Variants in CYP2C18 observed in about 807,000 individuals in gnomAD.
CYP2C18 encodes the protein cytochrome P450 2C18.
CYP2C18 carries 38 observed loss-of-function variants against 41.3 expected under a neutral mutation model. The ratio of observed to expected loss-of-function variants is 0.92; its 90% CI spans 0.71 to 1.21. CYP2C18 has a LOEUF of 1.21. Ranked by LOEUF, CYP2C18 falls within the 50% of genes most tolerant of loss-of-function variation. The pLI is 0.00. For synonymous variants in CYP2C18, 236 were observed against 210.0 expected (o/e 1.12, Z -1.07); for missense variants, 635 against 591.4 (o/e 1.07, Z -0.77).
intron 6 of CYP2C18, 138 bp from the exon 7 acceptor site, chr10:94,724,208 T>C (rs912297228): frequency 8.6e-6 from 7 of 813,638 alleles, no homozygotes; most frequent in Non-Finnish European, 1.4e-5. Context: ...ATTTCTTCCC[T>C]AAGTCTAGGT....
intron 5 of CYP2C18, among the ~76,000 whole-genome samples, chr10:94,712,008 A>ATTTTTTTTTTTT (rs35672164): frequency 0.01 from 993 of 97,806 alleles, 67 homozygotes; most frequent in African/African-American, 0.032. Context: ...TGCCCAACTA[A>ATTTTTTTTTTTT]TTTTTTTTTT....
At chr10:94,710,895 G>T (rs1449495763) in intron 5 of CYP2C18, among the ~76,000 whole-genome samples, 1 of 152,136 alleles carries the variant, frequency 6.6e-6, no homozygotes, top group Non-Finnish European at 1.5e-5. Flanking sequence ...TGAATAGGAA[G>T]AAATCTTTTT....
intron 5 of CYP2C18, among the ~76,000 whole-genome samples, chr10:94,715,613 T>C (rs984533609): frequency 2.6e-5 from 4 of 152,208 alleles, no homozygotes; most frequent in South Asian, 2.1e-4. Flanking sequence ...TTTGTATCGA[T>C]GTGCATCAGG....
intron 3 of CYP2C18, among the ~76,000 whole-genome samples, chr10:94,690,075 C>T (rs1033486914): frequency 3.9e-5 from 6 of 152,080 alleles, no homozygotes; most frequent in African/African-American, 7.2e-5. Flanking sequence ...GTGTGGAGTG[C>T]CCCTCCTTTA....
chr10:94,710,532 T>C (rs1434270174), intron 5 of CYP2C18, among the ~76,000 whole-genome samples: 1 of 152,238 alleles, frequency 6.6e-6, no homozygotes, highest in Non-Finnish European at 1.5e-5. Context: ...TTTCCATTTA[T>C]TTAGATCTTC....
chr10:94,700,052 C>T (rs112952064), intron 4 of CYP2C18, among the ~76,000 whole-genome samples: 3,851 of 152,224 alleles, frequency 0.025, 149 homozygotes, highest in African/African-American at 0.075. Flanking sequence ...GCCATACTGC[C>T]CAAGGTAATT....
rs985583603 is a variant in CYP2C18 at position 94,723,554 on chromosome 10, T to C, written c.962-792T>C. Among the ~76,000 whole-genome samples the C allele has an allele frequency of 1.1e-4, 16 of 152,224 alleles. No homozygotes were observed. The South Asian group carries it at 3.3e-3, about 32-fold the overall frequency. On this transcript the variant is annotated intron_variant, in intron 6 of 8. Coordinates refer to ENST00000285979, the MANE Select transcript of CYP2C18 (RefSeq NM_000772.3). ...AAGAATATACAAAAAAGAGACATAA[T>C]TACAGCTGTCCCACTTGTGGTCAAT... is the stretch of plus-strand genomic sequence containing the variant.
At chr10:94,687,956 A>G (rs1298404015) in intron 2 of CYP2C18, 24 bp downstream of exon 2, 3 of 1,610,446 alleles carry the variant, frequency 1.9e-6, no homozygotes, top group Non-Finnish European at 2.5e-6. Context: ...TATCGTGTGT[A>G]TGTGTACATG....
At chr10:94,717,699 T>A (rs1223275290) in intron 5 of CYP2C18, among the ~76,000 whole-genome samples, 1 of 152,154 alleles carries the variant, frequency 6.6e-6, no homozygotes, top group Non-Finnish European at 1.5e-5. Flanking sequence ...TTTCTCACCA[T>A]TTATTTAAGA....
At chr10:94,717,279 A>G (rs1302084520) in intron 5 of CYP2C18, among the ~76,000 whole-genome samples, 2 of 152,150 alleles carry the variant, frequency 1.3e-5, no homozygotes, top group African/African-American at 2.4e-5. Flanking sequence ...CCTAGCATCA[A>G]TGGTCTTTAC....
intron 4 of CYP2C18, among the ~76,000 whole-genome samples, chr10:94,700,071 CA>C (rs1336617501): frequency 4.6e-5 from 7 of 152,136 alleles, no homozygotes; most frequent in African/African-American, 1.7e-4. Flanking sequence ...TTTATAGATT[CA>C]ATGTCATTTC....
chr10:94,705,935 A>G (rs1360500954), intron 4 of CYP2C18, among the ~76,000 whole-genome samples: 1 of 152,092 alleles, frequency 6.6e-6, no homozygotes, highest in South Asian at 2.1e-4. Flanking sequence ...AAAAGCACAC[A>G]CTCAATGGAA....
rs1334456001 is a variant in CYP2C18 at position 94,720,430 on chromosome 10, A to G, written c.854A>G (p.Glu285Gly). ...KHNQQSEFTVESLIATVTDMF... is the reference protein window; with the variant it reads ...KHNQQSEFTVGSLIATVTDMF... ...AATCAACAGTCTGAATTTACTGTTG[A>G]AAGCTTGATAGCCACTGTAACTGAT... Residue 285 changes from glutamate (E) to glycine (G), a missense_variant, in exon 6 of 9, where the codon GAA (glutamate) becomes GGA (glycine). Transcript: ENST00000285979. 2 of 1,612,662 alleles carry G rather than the reference A, an allele frequency of 1.2e-6. No homozygotes were observed. Among genetic ancestry groups the G allele is most frequent in the Non-Finnish European group, 8.5e-7 (1 of 1,179,254 alleles).
In CYP2C18 at chr10:94,695,001, A is replaced by G. The variant is rs759909538; in HGVS notation, c.566A>G (p.Tyr189Cys). ...GTTATTTTCCATGATCGATTTGATT[A>G]TAAAGATCAGAGGTTTCTTAACTTG... ...CSVIFHDRFD[Y>C]KDQRFLNLME... The change falls in exon 4 of 9, where the codon TAT (tyrosine) becomes TGT (cysteine). Residue 189 changes from tyrosine to cysteine, a missense_variant. Transcript: ENST00000285979. 1.1e-5 allele frequency: 17 copies of G among 1,613,334 alleles called. No homozygotes were observed. Among genetic ancestry groups the G allele is most frequent in the Non-Finnish European group, 1.4e-5 (17 of 1,179,870 alleles).
At chr10:94,715,690 G>A (rs1206002928) in intron 5 of CYP2C18, among the ~76,000 whole-genome samples, 1 of 152,154 alleles carries the variant, frequency 6.6e-6, no homozygotes. Flanking sequence ...GATGATGCTG[G>A]CCTCATCAAA....
intron 8 of CYP2C18, among the ~76,000 whole-genome samples, chr10:94,734,622 GC>G (rs1847888541): frequency 6.6e-6 from 1 of 152,080 alleles, no homozygotes; most frequent in Non-Finnish European, 1.5e-5. Context: ...AAGAGATAAA[GC>G]TTGAAACTTT....
chr10:94,715,816 CT>C (rs140517646), intron 5 of CYP2C18, among the ~76,000 whole-genome samples: 1 of 151,028 alleles, frequency 6.6e-6, no homozygotes, highest in African/African-American at 2.4e-5. Context: ...TGGTCCTGGA[CT>C]TTTTTTTTGT....
intron 3 of CYP2C18, among the ~76,000 whole-genome samples, chr10:94,690,407 T>C (rs1366440127): frequency 6.6e-6 from 1 of 152,142 alleles, no homozygotes; most frequent in Admixed American, 6.6e-5. Context: ...TATAAACACC[T>C]CTATGCAAAT....
intron 7 of CYP2C18, among the ~76,000 whole-genome samples, chr10:94,724,916 A>G (rs1246078469): frequency 1.3e-5 from 2 of 151,910 alleles, no homozygotes; most frequent in Non-Finnish European, 1.5e-5. Context: ...GACAGGTTGA[A>G]TCTTTCAATT....
Sources: allele counts gnomAD v4.1 joint callset (sites outside exome capture counted in the v4.1 genomes callset), GRCh38; gene constraint gnomAD v4.1.1; transcripts MANE v1.5; gene names NCBI Gene and HGNC (gene_info 2026-07-23, HGNC 2026-07-21).